Variants in TP53BP1 observed in about 807,000 individuals in gnomAD.
TP53BP1 encodes the protein TP53-binding protein 1.
TP53BP1 carries 61 observed loss-of-function variants against 200.8 expected under a neutral mutation model. That is an observed-to-expected ratio of 0.30 (90% CI 0.25 to 0.38). TP53BP1 has a LOEUF of 0.38. Among genes scored for constraint, TP53BP1 ranks in the 10% least tolerant of loss-of-function variants. TP53BP1 has a pLI of 1.00. For synonymous variants in TP53BP1, 822 were observed against 844.3 expected, an observed-to-expected ratio of 0.97 and a Z score of 0.46; for missense variants, 2,144 against 2,371.9, an observed-to-expected ratio of 0.90 and a Z score of 2.00.
intron 13 of TP53BP1, 167 bp downstream of exon 13, chr15:43,447,199 T>A: frequency 1.5e-6 from 1 of 645,290 alleles, no homozygotes; most frequent in Admixed American, 3.3e-5. Flanking sequence ...TTACCCCTCA[T>A]CTCCTAGTAG....
chr15:43,496,853 T>G (rs2079185219), upstream of TP53BP1, among the ~76,000 whole-genome samples: 1 of 152,084 alleles, frequency 6.6e-6, no homozygotes, highest in Admixed American at 6.6e-5. Flanking sequence ...AACTCCGGCC[T>G]CAGGTGATCC....
chr15:43,510,629 T>A, upstream of TP53BP1: 1 of 266,756 alleles, frequency 3.7e-6, no homozygotes, highest in Non-Finnish European at 7.1e-6. Context: ...CGGGCGAGGC[T>A]GCGGAATTGC....
At chr15:43,435,643 T>C (rs1595551760) in intron 16 of TP53BP1, among the ~76,000 whole-genome samples, 1 of 152,182 alleles carries the variant, frequency 6.6e-6, no homozygotes, top group African/African-American at 2.4e-5. Context: ...TTATTTTAAA[T>C]ATTTCTTTCA....
At chr15:43,471,480 G>T (rs982022535) in intron 10 of TP53BP1, among the ~76,000 whole-genome samples, 2 of 151,716 alleles carry the variant, frequency 1.3e-5, no homozygotes, top group Non-Finnish European at 2.9e-5. Flanking sequence ...AGGCTGCGAC[G>T]CAGTGGTGCC....
intron 15 of TP53BP1, 58 bp downstream of exon 15, chr15:43,441,468 C>T (rs1162651377): frequency 8.1e-6 from 9 of 1,117,794 alleles, no homozygotes; most frequent in Middle Eastern, 2.0e-4. Flanking sequence ...GATAAACCAT[C>T]TACCCTCATC....
intron 12 of TP53BP1, among the ~76,000 whole-genome samples, chr15:43,450,133 A>C (rs2046132973): frequency 6.6e-6 from 1 of 152,228 alleles, no homozygotes; most frequent in South Asian, 2.1e-4. Context: ...AACAATAATG[A>C]AGGATATGAA....
intron 24 of TP53BP1, among the ~76,000 whole-genome samples, chr15:43,410,236 C>A (rs1236111139): frequency 2.0e-5 from 3 of 152,192 alleles, no homozygotes; most frequent in Non-Finnish European, 4.4e-5. Flanking sequence ...AGCCTTTTTA[C>A]CCCCTTGTAC....
At chr15:43,437,857 G>A (rs942861910) in intron 16 of TP53BP1, among the ~76,000 whole-genome samples, 6 of 152,176 alleles carry the variant, frequency 3.9e-5, no homozygotes, top group African/African-American at 1.4e-4. Context: ...CCACCAGACT[G>A]GGAAATTGAT....
intron 12 of TP53BP1, 119 bp from the exon 13 acceptor site, chr15:43,447,604 T>G: frequency 9.6e-7 from 1 of 1,042,858 alleles, no homozygotes; most frequent in Non-Finnish European, 1.3e-6. Flanking sequence ...CTCTTTTCCT[T>G]TGCTCCCAAA....
At chr15:43,487,783 C>CAA (rs35455276) in intron 4 of TP53BP1, among the ~76,000 whole-genome samples, 5 of 93,860 alleles carry the variant, frequency 5.3e-5, no homozygotes, top group Admixed American at 1.2e-4. Flanking sequence ...GACTCCATCT[C>CAA]AAAAAAAAAA....
At chr15:43,476,458 A>T (rs1053725728) in intron 8 of TP53BP1, among the ~76,000 whole-genome samples, 8 of 152,236 alleles carry the variant, frequency 5.3e-5, no homozygotes, top group African/African-American at 1.9e-4. Context: ...ACTTGATGTT[A>T]TAAATGCAGC....
intron 14 of TP53BP1, among the ~76,000 whole-genome samples, chr15:43,442,534 G>A (rs1003670079): frequency 2.7e-5 from 4 of 150,632 alleles, no homozygotes; most frequent in South Asian, 2.1e-4. Context: ...GTCTTACTCC[G>A]TTGCCCAGGC....
At chr15:43,472,966 G>A (rs1207198965) in intron 10 of TP53BP1, among the ~76,000 whole-genome samples, 1 of 152,072 alleles carries the variant, frequency 6.6e-6, no homozygotes, top group Non-Finnish European at 1.5e-5. Flanking sequence ...CCCTTCTGAT[G>A]TTCAGATGTG....
intron 15 of TP53BP1, among the ~76,000 whole-genome samples, chr15:43,440,184 C>T (rs528494353): frequency 6.6e-6 from 1 of 152,292 alleles, no homozygotes; most frequent in East Asian, 1.9e-4. Flanking sequence ...AAGAAGTTTG[C>T]AGTTTCACAT....
At chr15:43,470,769 A>T (rs2046706428) in intron 10 of TP53BP1, among the ~76,000 whole-genome samples, 1 of 152,190 alleles carries the variant, frequency 6.6e-6, no homozygotes, top group African/African-American at 2.4e-5. Flanking sequence ...TAAGTATTTG[A>T]TTCATCATTT....
intron 11 of TP53BP1, among the ~76,000 whole-genome samples, chr15:43,466,693 C>T (rs1026013709): frequency 1.3e-5 from 2 of 152,014 alleles, no homozygotes; most frequent in Admixed American, 6.6e-5. Context: ...CCCATCTCTA[C>T]AAAAAAATTT....
chr15:43,408,711 G>C (rs1362114713), intron 26 of TP53BP1, 186 bp downstream of exon 26: 1 of 605,712 alleles, frequency 1.7e-6, no homozygotes, highest in Non-Finnish European at 2.9e-6. Context: ...TTTGCAAAAG[G>C]TTCCTAGCCA....
intron 1 of TP53BP1, among the ~76,000 whole-genome samples, chr15:43,500,748 G>A (rs995883068): frequency 1.3e-5 from 2 of 152,150 alleles, no homozygotes; most frequent in Admixed American, 1.3e-4. Flanking sequence ...TTGAACCTGG[G>A]AGGCGGAGGT....
intron 4 of TP53BP1, among the ~76,000 whole-genome samples, chr15:43,490,158 C>T (rs1409701382): frequency 1.3e-5 from 2 of 152,022 alleles, no homozygotes; most frequent in African/African-American, 4.8e-5. Flanking sequence ...GGCACAATTT[C>T]GGCTCACTGC....
Sources: allele counts gnomAD v4.1 joint callset (sites outside exome capture counted in the v4.1 genomes callset), GRCh38; gene constraint gnomAD v4.1.1; transcripts MANE v1.5; gene names NCBI Gene and HGNC (gene_info 2026-07-23, HGNC 2026-07-21).